RTEL1: variants seen among roughly 807,000 people sequenced by gnomAD.
RTEL1 encodes the protein regulator of telomere elongation helicase 1.
In RTEL1, 86 loss-of-function variants were observed where a neutral mutation model predicts 162.2. The ratio of observed to expected loss-of-function variants is 0.53; its 90% CI spans 0.45 to 0.63. The LOEUF is 0.63. RTEL1 is among the 30% of genes least tolerant of loss of function. RTEL1 has a pLI of 0.00. For missense variants in RTEL1, 1,941 were observed against 1,750.2 expected (o/e 1.11, Z -1.95); for synonymous variants, 958 against 717.9 (o/e 1.33, Z -5.35).
At chr20:63,673,474 TGTC>T (rs2090286351) in intron 9 of RTEL1, among the ~76,000 whole-genome samples, 1 of 152,176 alleles carries the variant, frequency 6.6e-6, no homozygotes, top group South Asian at 2.1e-4. Flanking sequence ...GGTCTCCTTC[TGTC>T]GTCCAGGCTG....
At chr20:63,664,133 T>G (rs1329689726) in intron 6 of RTEL1, among the ~76,000 whole-genome samples, 1 of 152,202 alleles carries the variant, frequency 6.6e-6, no homozygotes, top group Non-Finnish European at 1.5e-5. Flanking sequence ...GGGCTCTGCC[T>G]TTGTGCCCCC....
At position 63,693,980 on chromosome 20, in the gene RTEL1, A is replaced by C. The variant is rs6011035; in HGVS notation, c.2993-392A>C. On this transcript the variant is annotated intron_variant, in intron 30 of 34. Transcript: ENST00000360203. ...CTGCCTCTGTTTGGGGTGGAGTCCA[A>C]GTCTCCAGAGGCGGAAGCATCTGTG... 5.0e-3 allele frequency among the ~76,000 whole-genome samples: 760 copies of C among 151,484 alleles called. 6 individuals are homozygous for C. The highest frequency in any genetic ancestry group is 0.018 in the African/African-American group (726 of 41,260).
chr20:63,693,416 G>T (rs879011935), intron 30 of RTEL1, 133 bp downstream of exon 30: 609 of 1,043,682 alleles, frequency 5.8e-4, no homozygotes, highest in Non-Finnish European at 7.9e-4. Flanking sequence ...TGGGAGTGAT[G>T]GGGGCCTCCA....
chr20:63,689,721 C>A (rs775265412), intron 23 of RTEL1, 29 bp from the exon 24 acceptor site: 1 of 1,606,326 alleles, frequency 6.2e-7, no homozygotes, highest in Non-Finnish European at 8.5e-7. Flanking sequence ...CCAAGGGAGC[C>A]CCCGTGACCG....
chr20:63,691,811 A>G lies in RTEL1; in HGVS notation c.2626A>G (p.Lys876Glu). 1 of 1,611,888 alleles carries G rather than the reference A, an allele frequency of 6.2e-7. No homozygotes were observed. The highest frequency in any genetic ancestry group is 8.5e-7 in the Non-Finnish European group (1 of 1,179,746). The change falls in exon 28 of 35, where the codon AAG becomes GAG. Residue 876 changes from lysine to glutamate, a missense_variant. Lys to Glu is a moderately conservative substitution (Grantham distance 56). Transcript: ENST00000360203. ...GGCAGAAGAACCGCGAGGAGGGAGG[A>G]AGAAGATCCGGCTGGTCAGCCACCC... ...RPAEEPRGGR[K>E]KIRLVSHPEE...
chr20:63,692,422 C>G (rs2090770435), intron 28 of RTEL1: 1 of 319,202 alleles, frequency 3.1e-6, no homozygotes, highest in African/African-American at 2.1e-5. Context: ...ATGGGCACTG[C>G]TCATCCGGAA....
chr20:63,662,397 T>C, intron 4 of RTEL1, 149 bp from the exon 5 acceptor site: 1 of 1,510,678 alleles, frequency 6.6e-7, no homozygotes, highest in Non-Finnish European at 9.0e-7. Flanking sequence ...GTCTTCTAGC[T>C]CCCTCCTACG....
chr20:63,673,312 C>G (rs1217319235), intron 9 of RTEL1, among the ~76,000 whole-genome samples: 1 of 150,994 alleles, frequency 6.6e-6, no homozygotes, highest in Admixed American at 6.6e-5. Flanking sequence ...GAGAATCACT[C>G]GAACCCAGGA....
In RTEL1 at chr20:63,690,848, G is replaced by A. The variant is rs1199472391; in HGVS notation, c.2457G>A (p.Glu819=). 1.9e-6 allele frequency: 3 copies of A among 1,605,498 alleles called. No homozygotes were observed. The highest frequency in any genetic ancestry group is 2.7e-5 in the African/African-American group (2 of 74,758). The part of the protein sequence containing the change: ...AGDPESSLCV[E]YEQEPVPARQ... ...ACCCCGAGAGTAGCCTGTGTGTGGA[G>A]TATGAGCAGGAGCCAGTTCCTGCCC... is the stretch of plus-strand genomic sequence containing the variant. The change falls in exon 27 of 35, where the codon GAG becomes GAA. Residue 819 remains glutamate, a synonymous_variant. Coordinates refer to ENST00000360203, the MANE Select transcript of RTEL1 (RefSeq NM_001283009.2).
chr20:63,679,050 G>A (rs1221218576), intron 12 of RTEL1, among the ~76,000 whole-genome samples: 21 of 152,156 alleles, frequency 1.4e-4, no homozygotes, highest in Admixed American at 1.3e-3. Flanking sequence ...TTGTTAGGAC[G>A]ATGAGTGTCC....
chr20:63,693,887 G>A (rs2090890898), intron 30 of RTEL1, among the ~76,000 whole-genome samples: 1 of 150,000 alleles, frequency 6.7e-6, no homozygotes, highest in East Asian at 2.0e-4. Flanking sequence ...TGCCTCCCAT[G>A]CATGGTCCTG....
Position 63,689,731 on chromosome 20 carries a change from G to C in RTEL1, c.2026-19G>C. On this transcript the variant is annotated intron_variant, in intron 23 of 34. Coordinates refer to ENST00000360203, the MANE Select transcript of RTEL1 (RefSeq NM_001283009.2). Reference sequence around the variant, plus strand: ...CGTGGCCAAGGGAGCCCCCGTGACCGAGCCGCCTCGCCCCACAGTTCCTCT... The same window carrying C: ...CGTGGCCAAGGGAGCCCCCGTGACCCAGCCGCCTCGCCCCACAGTTCCTCT... 6.2e-7 allele frequency: 1 copy of C among 1,608,736 alleles called. No individual in the cohort carries two copies. The highest frequency in any genetic ancestry group is 1.1e-5 in the South Asian group (1 of 90,960).
At chr20:63,691,033 C>A in intron 27 of RTEL1, 86 bp downstream of exon 27, 1 of 1,336,224 alleles carries the variant, frequency 7.5e-7, no homozygotes, top group Non-Finnish European at 1.0e-6. Flanking sequence ...CAGGCACCTC[C>A]CCACACACCC....
chr20:63,688,981 C>T, intron 21 of RTEL1, 74 bp from the exon 22 acceptor site: 7 of 1,309,550 alleles, frequency 5.3e-6, no homozygotes, highest in African/African-American at 1.4e-5. Context: ...GAGCATGAGA[C>T]CTGGGTCTCC....
chr20:63,694,323 C>T (rs555831397), intron 30 of RTEL1, 49 bp from the exon 31 acceptor site: 11 of 1,232,872 alleles, frequency 8.9e-6, no homozygotes, highest in Admixed American at 8.6e-5. Flanking sequence ...CCCCAGGGAA[C>T]TTTCCAGATG....
intron 26 of RTEL1, 23 bp from the exon 27 acceptor site, chr20:63,690,782 T>C (rs1438333996): frequency 3.1e-6 from 5 of 1,588,092 alleles, no homozygotes; most frequent in Admixed American, 1.8e-5. Flanking sequence ...TGGGCTTCAC[T>C]GCGCACTCGG....
At chr20:63,662,990 G>A in intron 6 of RTEL1, 101 bp downstream of exon 6, 1 of 1,095,250 alleles carries the variant, frequency 9.1e-7, no homozygotes, top group Non-Finnish European at 1.4e-6. Context: ...GCCCGGTGGG[G>A]CGGCCAGTGC....
intron 14 of RTEL1, 40 bp downstream of exon 14, chr20:63,680,759 A>T: frequency 6.2e-7 from 1 of 1,612,018 alleles, no homozygotes; most frequent in Non-Finnish European, 8.5e-7. Context: ...TCCCTGATGG[A>T]AGCCGGGCGG....
Position 63,694,470 on chromosome 20 carries a change from C to A in RTEL1, c.3091C>A (p.Pro1031Thr). Residue 1031 changes from proline (P) to threonine (T), a missense_variant, in exon 31 of 35, where the codon CCC (proline) becomes ACC (threonine). By Grantham distance (38) the Pro-to-Thr change is conservative. Coordinates refer to ENST00000360203, the MANE Select transcript of RTEL1 (RefSeq NM_001283009.2). ...GAACCAGGGCAGGCCCCACCTGTCG[C>A]CCAGGCCACCCCCAACAGGTAGCTG... ...HLNQGRPHLS[P>T]RPPPTGDPGS... 6.2e-7 allele frequency: 1 copy of A among 1,600,446 alleles called. No homozygotes were observed. The highest frequency in any genetic ancestry group is 1.7e-4 in the Middle Eastern group (1 of 6,012).
Sources: gnomAD v4.1 joint callset for allele counts (sites outside exome capture counted in the v4.1 genomes callset) on GRCh38, gnomAD v4.1.1 for gene constraint, MANE v1.5 for transcripts, NCBI Gene and HGNC (gene_info 2026-07-23, HGNC 2026-07-21) for gene names.